The following OPA1 variants were observed in gnomAD, a reference collection of about 807,000 sequenced individuals.
OPA1 encodes the protein OPA1 mitochondrial dynamin like GTPase.
A neutral mutation model predicts 152.9 loss-of-function variants in OPA1; 59 were observed. The observed-to-expected ratio is 0.39, with a 90% CI of 0.31 to 0.48. OPA1 has a LOEUF of 0.48. Among genes scored for constraint, OPA1 ranks in the 20% least tolerant of loss-of-function variants. The pLI, the probability that OPA1 is intolerant of heterozygous loss-of-function variation, is 0.96. For missense variants in OPA1, 1,008 were observed against 1,216.8 expected (o/e 0.83, Z 2.55); for synonymous variants, 400 against 389.9 (o/e 1.03, Z -0.31).
At chr3:193,687,222 G>A (rs1051292287) in intron 29 of OPA1, among the ~76,000 whole-genome samples, 3 of 152,176 alleles carry the variant, frequency 2.0e-5, no homozygotes, top group Non-Finnish European at 2.9e-5. Flanking sequence ...AAAGAAAAAA[G>A]AGAAGGAACT....
chr3:193,617,771 T>C lies in OPA1; in HGVS notation c.557-13T>C, dbSNP rs1458276011. The C allele has an allele frequency of 6.2e-7, 1 of 1,601,592 alleles. No individual in the cohort carries two copies. The highest frequency in any genetic ancestry group is 1.1e-5 in the South Asian group (1 of 90,806). On this transcript the variant is annotated splice_polypyrimidine_tract_variant and intron_variant, in intron 4 of 30. Coordinates refer to ENST00000361510, the MANE Select transcript of OPA1 (RefSeq NM_130837.3). Reference sequence around the variant, plus strand: ...TTTACATTTCTATTTCCCCTTTTGCTGATTTTTCACAGGTCACAAATTGGT... The same window carrying C: ...TTTACATTTCTATTTCCCCTTTTGCCGATTTTTCACAGGTCACAAATTGGT...
chr3:193,615,635 A>G (rs368751121), intron 2 of OPA1, 39 bp from the exon 3 acceptor site: 9 of 1,070,254 alleles, frequency 8.4e-6, no homozygotes, highest in Non-Finnish European at 1.3e-5. Context: ...TTTATTTGGC[A>G]TGCAGAGCAT....
intron 11 of OPA1, 111 bp downstream of exon 11, chr3:193,638,176 A>G (rs1455857579): frequency 1.2e-6 from 1 of 801,934 alleles, no homozygotes; most frequent in Non-Finnish European, 2.2e-6. Context: ...CTTGATACAT[A>G]GTGTTTGGAA....
intron 29 of OPA1, among the ~76,000 whole-genome samples, chr3:193,682,716 C>T (rs1024664649): frequency 2.0e-5 from 3 of 152,158 alleles, no homozygotes; most frequent in African/African-American, 7.2e-5. Context: ...CTGTTTACAG[C>T]ATGGTTTACT....
intron 29 of OPA1, among the ~76,000 whole-genome samples, chr3:193,676,899 T>A (rs1033851051): frequency 1.4e-5 from 2 of 144,256 alleles, no homozygotes; most frequent in Non-Finnish European, 3.0e-5. Context: ...GAGAATGGCG[T>A]GAACCTGGGA....
intron 21 of OPA1, among the ~76,000 whole-genome samples, chr3:193,652,523 A>C (rs1195921841): frequency 6.6e-6 from 1 of 152,088 alleles, no homozygotes; most frequent in Non-Finnish European, 1.5e-5. Flanking sequence ...AACATTGAGA[A>C]CTGATGGTTC....
chr3:193,672,607 G>A (rs112174663), intron 29 of OPA1, among the ~76,000 whole-genome samples: 3,893 of 152,162 alleles, frequency 0.026, 54 homozygotes, highest in Non-Finnish European at 0.03. Flanking sequence ...GGTGCCTCAC[G>A]CCTGTAATCC....
Position 193,644,243 on chromosome 3 carries a change from G to A in OPA1, c.1608+138G>A, listed in dbSNP as rs4638913. On this transcript the variant is annotated intron_variant, in intron 16 of 30. Transcript: ENST00000361510. ...AGATTTATTACAATGAAAGGATAAA[G>A]CAAAATCACAAAAGGAAATGGTACA... 988 of 1,029,020 alleles carry A rather than the reference G, an allele frequency of 9.6e-4. 6 individuals carry two copies. In the African/African-American group the frequency reaches 0.014, roughly 15 times the overall value. The allele number at this position is 1,029,020 out of a possible 1,614,324, so 63.7% of individuals were successfully genotyped here.
At chr3:193,600,397 G>A (rs1726285266) in intron 1 of OPA1, among the ~76,000 whole-genome samples, 2 of 152,184 alleles carry the variant, frequency 1.3e-5, no homozygotes, top group African/African-American at 2.4e-5. Context: ...TCCAGTTGGA[G>A]TAAGACCATT....
intron 29 of OPA1, among the ~76,000 whole-genome samples, chr3:193,676,467 G>T (rs1334433009): frequency 6.6e-6 from 1 of 152,098 alleles, no homozygotes; most frequent in Non-Finnish European, 1.5e-5. Context: ...TCTGCTTTGT[G>T]TTGGAACAGA....
chr3:193,694,540 C>T (rs1053918902), intron 30 of OPA1, 66 bp from the exon 31 acceptor site: 8 of 152,144 alleles, frequency 5.3e-5, no homozygotes, highest in Non-Finnish European at 8.8e-5. Context: ...CAGTCATCAA[C>T]TTTGTTTAGA....
intron 1 of OPA1, among the ~76,000 whole-genome samples, chr3:193,596,294 A>ACTTTTCTTTTCTTTT (rs776639249): frequency 0.08 from 7,027 of 88,300 alleles, 301 homozygotes; most frequent in Non-Finnish European, 0.11. Context: ...GGCCATCGCA[A>ACTTTTCTTTTCTTTT]CTTTTCTTTT....
In OPA1 at chr3:193,696,873, A is replaced by G. The variant is rs915184300; in HGVS notation, c.*2273A>G. 6.6e-6 allele frequency: 1 copy of G among 152,270 alleles called. No homozygotes were observed. The highest frequency in any genetic ancestry group is 6.5e-5 in the Admixed American group (1 of 15,290). 9.4% of individuals were successfully genotyped at this position (152,270 alleles called of 1,614,324 possible). A position where few individuals can be genotyped will look rare whatever the true frequency, so the allele number is the denominator to read the frequency against. ...AAATCAGTGTACCTAGGCAGTGCACAGCACGAAATAAGTGGCCCTTGCAGC... is the reference window on the plus strand; with the variant it reads ...AAATCAGTGTACCTAGGCAGTGCACGGCACGAAATAAGTGGCCCTTGCAGC... On this transcript the variant is annotated 3_prime_UTR_variant, in exon 31 of 31. Transcript: ENST00000361510.
At chr3:193,666,861 A>G (rs1020013598) in intron 28 of OPA1, among the ~76,000 whole-genome samples, 3 of 152,190 alleles carry the variant, frequency 2.0e-5, no homozygotes, top group African/African-American at 7.2e-5. Context: ...GGGTGATAAA[A>G]CATACCAGGA....
At chr3:193,672,369 G>T (rs1718118873) in intron 29 of OPA1, among the ~76,000 whole-genome samples, 1 of 152,202 alleles carries the variant, frequency 6.6e-6, no homozygotes, top group South Asian at 2.1e-4. Context: ...CACCAGTACA[G>T]TGTGGAATTA....
At chr3:193,632,758 C>G (rs1365598345) in intron 8 of OPA1, among the ~76,000 whole-genome samples, 1 of 151,882 alleles carries the variant, frequency 6.6e-6, no homozygotes, top group East Asian at 1.9e-4. Context: ...GTAGTCCCAG[C>G]AACTGGGAGG....
intron 1 of OPA1, among the ~76,000 whole-genome samples, chr3:193,609,990 C>G (rs1398854582): frequency 1.3e-5 from 2 of 152,174 alleles, no homozygotes; most frequent in Non-Finnish European, 2.9e-5. Context: ...GAACTTCCTC[C>G]TTTAGCTTGG....
At chr3:193,636,252 A>C (rs1034908793) in intron 9 of OPA1, among the ~76,000 whole-genome samples, 3 of 151,834 alleles carry the variant, frequency 2.0e-5, no homozygotes, top group Non-Finnish European at 4.4e-5. Context: ...TCATGACTGC[A>C]TAAAACAGAT....
intron 25 of OPA1, 129 bp downstream of exon 25, chr3:193,659,690 C>A: frequency 2.9e-6 from 2 of 697,768 alleles, no homozygotes; most frequent in South Asian, 1.9e-5. Flanking sequence ...ATCATACTTT[C>A]TAAAATATAA....
Sources: gnomAD v4.1 joint callset for allele counts (sites outside exome capture counted in the v4.1 genomes callset) on GRCh38, gnomAD v4.1.1 for gene constraint, MANE v1.5 for transcripts, NCBI Gene and HGNC (gene_info 2026-07-23, HGNC 2026-07-21) for gene names.